Variants in POTEC observed in about 807,000 individuals in gnomAD.
POTEC encodes ANKRD26-like family B member 2.
A neutral mutation model predicts 62.0 loss-of-function variants in POTEC; 35 were observed. That is an observed-to-expected ratio of 0.56 (90% CI 0.43 to 0.75). POTEC has a LOEUF of 0.75. POTEC is among the 30% of genes least tolerant of loss of function. POTEC has a pLI of 0.00. For missense variants in POTEC, 472 were observed against 655.9 expected, an observed-to-expected ratio of 0.72 and a Z score of 3.06; for synonymous variants, 156 against 221.5, an observed-to-expected ratio of 0.70 and a Z score of 2.62.
In POTEC at chr18:14,513,692, T is replaced by G. The variant is rs1252084072; in HGVS notation, c.1503A>C (p.Ile501=). 3 of 1,611,738 alleles carry G rather than the reference T, an allele frequency of 1.9e-6. No homozygotes were observed. Among genetic ancestry groups the G allele is most frequent in the Non-Finnish European group, 2.5e-6 (3 of 1,179,812 alleles). ...DEILTNKQKQ[I]EVAEKKMNSE... ...AATTCATTTTCTTTTCAGCCACTTC[T>G]ATCTGCTTTTGTTTATTAGTCAGAA... Residue 501 remains isoleucine, a synonymous_variant, in exon 10 of 11, where the codon ATA becomes ATC. Coordinates refer to ENST00000358970, the MANE Select transcript of POTEC (RefSeq NM_001137671.2).
intron 5 of POTEC, among the ~76,000 whole-genome samples, chr18:14,532,211 C>G (rs954687183): frequency 6.6e-6 from 1 of 152,088 alleles, no homozygotes; most frequent in Non-Finnish European, 1.5e-5. Flanking sequence ...AGACCAACAA[C>G]GGCCTGAAAG....
At position 14,543,590 on chromosome 18, in the gene POTEC, C is replaced by G. The variant is rs917648261; in HGVS notation, c.-444G>C. 4 of 244,650 alleles carry G rather than the reference C, an allele frequency of 1.6e-5. No homozygotes were observed. Among genetic ancestry groups the G allele is most frequent in the Non-Finnish European group, 2.9e-5 (4 of 136,696 alleles). The allele number at this position is 244,650 out of a possible 1,614,324, so 15.2% of individuals were successfully genotyped here. A position where few individuals can be genotyped will look rare whatever the true frequency, so the allele number is the denominator to read the frequency against. On this transcript the variant is annotated 5_prime_UTR_variant, in exon 1 of 11. Coordinates refer to ENST00000358970, the MANE Select transcript of POTEC (RefSeq NM_001137671.2). Reference sequence around the variant, plus strand: ...CGAAGCGTACCCGTTACAGGTAAGCCAAGCCGTTATGCGCGTGCGGGGCGC... The same window carrying G: ...CGAAGCGTACCCGTTACAGGTAAGCGAAGCCGTTATGCGCGTGCGGGGCGC...
Position 14,543,086 on chromosome 18 carries a change from T to C in POTEC, c.61A>G (p.Arg21Gly), listed in dbSNP as rs1284448131. 1.2e-6 allele frequency: 2 copies of C among 1,613,964 alleles called. No individual in the cohort carries two copies. Among genetic ancestry groups the C allele is most frequent in the Non-Finnish European group, 1.7e-6 (2 of 1,179,880 alleles). ...ASAVKKPFDL[R>G]SKMGKWFHHR... ...TGAAACCACTTGCCCATCTTGCTCC[T>C]GAGATCGAATGGCTTCTTCACAGCA... Residue 21 changes from arginine to glycine, a missense_variant, in exon 1 of 11, where the codon AGG becomes GGG. Transcript: ENST00000358970.
At chr18:14,536,542 C>T (rs2143160398) in intron 3 of POTEC, among the ~76,000 whole-genome samples, 1 of 151,962 alleles carries the variant, frequency 6.6e-6, no homozygotes, top group Non-Finnish European at 1.5e-5. Context: ...TTCAAGGAAA[C>T]ATTTTTAAAC....
intron 5 of POTEC, among the ~76,000 whole-genome samples, chr18:14,531,419 A>G (rs1389394196): frequency 6.6e-6 from 1 of 152,030 alleles, no homozygotes; most frequent in Non-Finnish European, 1.5e-5. Context: ...TGGGAGACCA[A>G]AACTCTACTT....
At chr18:14,541,495 G>T (rs1467513427) in intron 1 of POTEC, among the ~76,000 whole-genome samples, 1 of 152,110 alleles carries the variant, frequency 6.6e-6, no homozygotes, top group Non-Finnish European at 1.5e-5. Context: ...CAAAAAAGTA[G>T]CCAGGCATGG....
intron 3 of POTEC, among the ~76,000 whole-genome samples, chr18:14,537,525 C>T (rs950901645): frequency 2.0e-5 from 3 of 150,226 alleles, no homozygotes; most frequent in African/African-American, 7.4e-5. Flanking sequence ...AAAAAGTTGG[C>T]AGGGAAAAAT....
intron 10 of POTEC, among the ~76,000 whole-genome samples, chr18:14,513,387 C>A (rs536214737): frequency 0.014 from 2,090 of 152,158 alleles, 53 homozygotes; most frequent in African/African-American, 0.048. Context: ...TGAAAAATAT[C>A]AAATGCTTTT....
At chr18:14,517,038 A>G (rs1302928451) in intron 9 of POTEC, among the ~76,000 whole-genome samples, 4 of 150,402 alleles carry the variant, frequency 2.7e-5, no homozygotes, top group Non-Finnish European at 4.4e-5. Flanking sequence ...TACCAAAAAC[A>G]GAAAGAAAAT....
In POTEC at chr18:14,536,179, C is replaced by T. The variant is rs528395697; in HGVS notation, c.811-1172G>A. Among the ~76,000 whole-genome samples the T allele has an allele frequency of 6.0e-5, 9 of 150,362 alleles. No individual in the cohort carries two copies. In the East Asian group the frequency reaches 1.0e-3, roughly 17 times the overall value. On this transcript the variant is annotated intron_variant, in intron 3 of 10. Coordinates refer to ENST00000358970, the MANE Select transcript of POTEC (RefSeq NM_001137671.2). ...TGTCAAGGCTGTGGTGATCTGTGAC[C>T]GCATCACTGCACTCCAGCCTGGGGA... is the stretch of plus-strand genomic sequence containing the variant.
intron 9 of POTEC, among the ~76,000 whole-genome samples, chr18:14,516,666 G>T (rs188130514): frequency 6.9e-6 from 1 of 144,626 alleles, no homozygotes; most frequent in East Asian, 2.0e-4. Context: ...AAACTACTGG[G>T]GGGGGGTGTA....
intron 6 of POTEC, among the ~76,000 whole-genome samples, chr18:14,525,794 C>CA (rs1448268151): frequency 4.6e-5 from 7 of 152,166 alleles, no homozygotes; most frequent in Admixed American, 2.6e-4. Context: ...TAGTATCTTA[C>CA]AAATGATTTC....
intron 4 of POTEC, among the ~76,000 whole-genome samples, chr18:14,534,099 A>G (rs948673742): frequency 4.2e-5 from 4 of 95,366 alleles, no homozygotes; most frequent in African/African-American, 1.7e-4. Context: ...CACAGTCCCC[A>G]GAGTGTGATA....
intron 9 of POTEC, among the ~76,000 whole-genome samples, chr18:14,515,645 T>A (rs890762288): frequency 1.5e-4 from 11 of 74,942 alleles, no homozygotes; most frequent in African/African-American, 6.4e-4. Context: ...AAAATAAAAA[T>A]AAATAAACAA....
intron 4 of POTEC, 106 bp downstream of exon 4, chr18:14,534,795 C>G: frequency 7.2e-7 from 1 of 1,391,162 alleles, no homozygotes; most frequent in South Asian, 1.7e-5. Flanking sequence ...TGATACTGAT[C>G]ACTATGTCCC....
chr18:14,521,343 T>C (rs1910301317), intron 9 of POTEC, among the ~76,000 whole-genome samples: 1 of 152,206 alleles, frequency 6.6e-6, no homozygotes, highest in African/African-American at 2.4e-5. Flanking sequence ...ATGCTTTAAA[T>C]ACATTTTAAT....
intron 9 of POTEC, among the ~76,000 whole-genome samples, chr18:14,519,437 C>G (rs533685794): frequency 4.1e-4 from 62 of 152,198 alleles, no homozygotes; most frequent in Non-Finnish European, 1.5e-5. Context: ...TCATGAGGGG[C>G]CGGGTGCAGT....
intron 9 of POTEC, among the ~76,000 whole-genome samples, chr18:14,518,141 C>T (rs1483694663): frequency 2.6e-5 from 4 of 152,090 alleles, no homozygotes; most frequent in Non-Finnish European, 2.9e-5. Flanking sequence ...ACTCCATTCA[C>T]TCATTTAATA....
intron 3 of POTEC, among the ~76,000 whole-genome samples, chr18:14,536,663 C>G (rs1357808806): frequency 6.6e-6 from 1 of 152,092 alleles, no homozygotes; most frequent in Non-Finnish European, 1.5e-5. Context: ...ACAACTCTAG[C>G]TGGAAGCTAG....
Sources: allele counts gnomAD v4.1 joint callset (sites outside exome capture counted in the v4.1 genomes callset), GRCh38; gene constraint gnomAD v4.1.1; transcripts MANE v1.5; gene names NCBI Gene and HGNC (gene_info 2026-07-23, HGNC 2026-07-21).